Variants in NAMPT observed in about 807,000 individuals in gnomAD.
NAMPT encodes the protein NAmPRTase.
NAMPT carries 7 observed loss-of-function variants against 58.7 expected under a neutral mutation model. That is an observed-to-expected ratio of 0.12 (90% confidence interval 0.07 to 0.22). NAMPT has a LOEUF of 0.22. Among genes scored for constraint, NAMPT ranks in the 10% least tolerant of loss-of-function variants. The pLI is 1.00. For missense variants in NAMPT, 271 were observed against 567.9 expected, an observed-to-expected ratio of 0.48 and a Z score of 5.31; for synonymous variants, 145 against 198.1, an observed-to-expected ratio of 0.73 and a Z score of 2.25.
intron 1 of NAMPT, 22 bp downstream of exon 1, chr7:106,284,806 C>G (rs1198660651): frequency 7.3e-7 from 1 of 1,370,612 alleles, no homozygotes; most frequent in South Asian, 1.3e-5. Context: ...TCCTCCTCAT[C>G]TGCCCGGGCC....
intron 1 of NAMPT, 67 bp downstream of exon 1, chr7:106,284,761 C>A: frequency 7.2e-7 from 1 of 1,382,220 alleles, no homozygotes; most frequent in Non-Finnish European, 9.6e-7. Flanking sequence ...CCGCCCCCGC[C>A]CCCCTGCCGC....
intron 6 of NAMPT, 88 bp from the exon 7 acceptor site, chr7:106,263,705 T>A: frequency 1.1e-6 from 1 of 929,264 alleles, no homozygotes; most frequent in Non-Finnish European, 1.7e-6. Flanking sequence ...ATGTTTACTA[T>A]ACCAAACCAT....
rs1242115747 is a variant in NAMPT, at chr7:106,268,598, A to C, written c.609T>G (p.Thr203=). 1 of 1,609,430 alleles carries C rather than the reference A, an allele frequency of 6.2e-7. No individual in the cohort carries two copies. Among genetic ancestry groups the C allele is most frequent in the South Asian group, 1.1e-5 (1 of 91,008 alleles). ...FGYRGVSSQE[T]AGIGASAHLV... ...AGTGAGCAGATGCTCCTATGCCAGCAGTCTGGAAAATCAATCATAAACCAA... is the reference window on the plus strand; with the variant it reads ...AGTGAGCAGATGCTCCTATGCCAGCCGTCTGGAAAATCAATCATAAACCAA... Residue 203 remains threonine, a splice_region_variant and synonymous_variant, in exon 6 of 11, where the codon ACT becomes ACG. Coordinates refer to ENST00000222553, the MANE Select transcript of NAMPT (RefSeq NM_005746.3).
At chr7:106,275,237 A>T (rs1455238728) in intron 2 of NAMPT, 188 bp from the exon 3 acceptor site, 1 of 385,706 alleles carries the variant, frequency 2.6e-6, no homozygotes, top group Non-Finnish European at 4.7e-6. Flanking sequence ...AATAACTCAA[A>T]GTATAAATGT....
At chr7:106,263,184 C>T (rs1042819647) in intron 7 of NAMPT, 7 of 530,984 alleles carry the variant, frequency 1.3e-5, no homozygotes, top group African/African-American at 3.8e-5. Flanking sequence ...GTCTAATTGA[C>T]AGTAAAACAA....
chr7:106,277,299 A>G, intron 1 of NAMPT, 120 bp from the exon 2 acceptor site: 1 of 834,962 alleles, frequency 1.2e-6, no homozygotes, highest in Non-Finnish European at 1.9e-6. Flanking sequence ...GCTATTAACC[A>G]GTTTCTTTTC....
At position 106,248,738 on chromosome 7, in the gene NAMPT, G is replaced by A. The variant is rs1251147644; in HGVS notation, c.*2345C>T. ...TGACTTAAATCCATAAATGCCATTT[G>A]CTTTTGTCTGGAAGATTTAGACTGA... On this transcript the variant is annotated 3_prime_UTR_variant, in exon 11 of 11. Coordinates refer to ENST00000222553, the MANE Select transcript of NAMPT (RefSeq NM_005746.3). 4.6e-5 allele frequency: 7 copies of A among 152,146 alleles called. No homozygotes were observed. Among genetic ancestry groups the A allele is most frequent in the Admixed American group, 4.6e-4 (7 of 15,256 alleles). The allele number at this position is 152,146 out of a possible 1,614,324, so 9.4% of individuals were successfully genotyped here. A position where few individuals can be genotyped will look rare whatever the true frequency, so the allele number is the denominator to read the frequency against.
intron 7 of NAMPT, 118 bp downstream of exon 7, chr7:106,263,257 CTCTGGGCTGCAACTCTA>C (rs1792344133): frequency 1.5e-6 from 1 of 660,418 alleles, no homozygotes; most frequent in African/African-American, 1.8e-5. Context: ...CTATTACTCT[CTCTGGGCTGCAACTCTA>C]AAATAAAGGG....
intron 1 of NAMPT, among the ~76,000 whole-genome samples, chr7:106,283,318 A>G (rs1792801464): frequency 6.6e-6 from 1 of 152,168 alleles, no homozygotes; most frequent in South Asian, 2.1e-4. Context: ...CAGAAAACTG[A>G]TGTTAAAGTA....
Position 106,263,460 on chromosome 7 carries a change from A to G in NAMPT, c.901T>C (p.Ser301Pro). The G allele has an allele frequency of 6.3e-7, 1 of 1,598,460 alleles. No homozygotes were observed. Among genetic ancestry groups the G allele is most frequent in the East Asian group, 2.2e-5 (1 of 44,680 alleles). ...WGEDLRHLIVSRSTQAPLIIR... is the reference protein window; with the variant it reads ...WGEDLRHLIVPRSTQAPLIIR... ...ATTAGTGGTGCCTGTGTACTTCTTG[A>G]TACTATTAAATGTCTTAGATCTTCA... is the stretch of plus-strand genomic sequence containing the variant. Residue 301 changes from serine (S) to proline (P), a missense_variant, in exon 7 of 11, where the codon TCA becomes CCA. Around this residue, in one of 4 missense-constraint regions of NAMPT, gnomAD observed 143 missense variants for 331.1 expected, o/e 0.43. Coordinates refer to ENST00000222553, the MANE Select transcript of NAMPT (RefSeq NM_005746.3).
At chr7:106,255,501 C>T (rs1368549179) in intron 8 of NAMPT, among the ~76,000 whole-genome samples, 6 of 152,106 alleles carry the variant, frequency 3.9e-5, no homozygotes, top group African/African-American at 1.2e-4. Flanking sequence ...TTAATAGTCT[C>T]GAATTGACTT....
chr7:106,277,613 T>C (rs185815593), intron 1 of NAMPT, among the ~76,000 whole-genome samples: 3 of 152,342 alleles, frequency 2.0e-5, no homozygotes, highest in East Asian at 3.9e-4. Context: ...ACTACTTTAC[T>C]TGTACAATGA....
intron 4 of NAMPT, chr7:106,271,962 C>G (rs970508296): frequency 3.7e-5 from 8 of 216,578 alleles, no homozygotes; most frequent in Non-Finnish European, 2.0e-5. Flanking sequence ...GGTATACATA[C>G]AAGAAAAACA....
At chr7:106,263,729 A>G in intron 6 of NAMPT, 112 bp from the exon 7 acceptor site, 4 of 810,422 alleles carry the variant, frequency 4.9e-6, no homozygotes, top group South Asian at 3.3e-5. Context: ...CATCACAGAG[A>G]AGGTGAGTGA....
intron 1 of NAMPT, among the ~76,000 whole-genome samples, chr7:106,279,301 T>C (rs556113190): frequency 7.8e-4 from 119 of 152,328 alleles, no homozygotes; most frequent in Middle Eastern, 3.4e-3. Flanking sequence ...TTTTAGAATA[T>C]AGCTAACGCA....
chr7:106,268,624 A>C (rs1421726111), intron 5 of NAMPT, 24 bp from the exon 6 acceptor site: 1 of 1,576,062 alleles, frequency 6.3e-7, no homozygotes, highest in Non-Finnish European at 8.7e-7. Flanking sequence ...CATAAACCAA[A>C]ATCCAAAACA....
At chr7:106,279,732 G>A (rs760611357) in intron 1 of NAMPT, among the ~76,000 whole-genome samples, 1 of 152,084 alleles carries the variant, frequency 6.6e-6, no homozygotes, top group Non-Finnish European at 1.5e-5. Context: ...TATTTTCAAA[G>A]GACTAATAAG....
chr7:106,253,502 A>G (rs1349829380), intron 9 of NAMPT: 1 of 195,204 alleles, frequency 5.1e-6, no homozygotes, highest in East Asian at 1.3e-4. Context: ...CAGCATGTAC[A>G]TGCTGTTGAA....
At chr7:106,285,502 T>C (rs1356969729), upstream of NAMPT, 8 of 974,074 alleles carry the variant, frequency 8.2e-6, no homozygotes, top group South Asian at 4.7e-5. Flanking sequence ...AGGAGCCTCC[T>C]ACTGCCCATC....
Sources: gnomAD v4.1 joint callset for allele counts (sites outside exome capture counted in the v4.1 genomes callset) on GRCh38, gnomAD v4.1.1 for gene constraint, gnomAD v4.1.1 regional missense constraint, MANE v1.5 for transcripts, NCBI Gene and HGNC (gene_info 2026-07-23, HGNC 2026-07-21) for gene names.